Variants in LGSN observed in about 807,000 individuals in gnomAD.
LGSN encodes lengsin, lens protein with glutamine synthetase domain.
Under a neutral mutation model 19.5 loss-of-function variants are expected in LGSN, and 21 were observed. The observed-to-expected ratio is 1.07, with a 90% CI of 0.76 to 1.55. The LOEUF is 1.55. Among genes scored for constraint, LGSN ranks in the 40% most tolerant of loss-of-function variants. LGSN has a pLI of 0.00. For missense variants in LGSN, 673 were observed against 608.5 expected, an observed-to-expected ratio of 1.11 and a Z score of -1.12; for synonymous variants, 257 against 215.6, an observed-to-expected ratio of 1.19 and a Z score of -1.68.
the LGSN span, among the ~76,000 whole-genome samples, chr6:63,564,086 C>T: frequency 8.5e-5 from 13 of 152,200 alleles, 1 homozygote; most frequent in African/African-American, 3.1e-4. Flanking sequence ...ACCAGCCTGG[C>T]CAACATGCAG....
At chr6:63,427,060 T>TC in the LGSN span, among the ~76,000 whole-genome samples, 1 of 150,686 alleles carries the variant, frequency 6.6e-6, no homozygotes, top group Non-Finnish European at 1.5e-5. Context: ...TTTTTTTTTT[T>TC]CTCCTGAGAC....
At chr6:63,496,678 T>C in the LGSN span, among the ~76,000 whole-genome samples, 1 of 150,858 alleles carries the variant, frequency 6.6e-6, no homozygotes, top group Non-Finnish European at 1.5e-5. Flanking sequence ...AACCTTGAAC[T>C]TCTGAGCTCA....
the LGSN span, among the ~76,000 whole-genome samples, chr6:63,470,961 A>T: frequency 3.6e-5 from 3 of 82,460 alleles, no homozygotes; most frequent in Admixed American, 2.9e-4. Flanking sequence ...TTTTTTTGAG[A>T]CAGAGTTTTG....
chr6:63,453,881 C>T, the LGSN span, among the ~76,000 whole-genome samples: 1 of 152,146 alleles, frequency 6.6e-6, no homozygotes, highest in African/African-American at 2.4e-5. Context: ...TGGTCTCGGT[C>T]TCCTGACCTC....
chr6:63,521,713 T>C, the LGSN span: 3 of 152,302 alleles, frequency 2.0e-5, no homozygotes, highest in Admixed American at 2.0e-4. Flanking sequence ...CATTAACAGA[T>C]AGACTTAAGC....
chr6:63,385,747 AT>A, the LGSN span, among the ~76,000 whole-genome samples: 7 of 152,236 alleles, frequency 4.6e-5, no homozygotes, highest in Non-Finnish European at 8.8e-5. Flanking sequence ...TCTTGGATCT[AT>A]CCACTTAAAT....
At chr6:63,488,192 A>C in the LGSN span, among the ~76,000 whole-genome samples, 2 of 152,236 alleles carry the variant, frequency 1.3e-5, no homozygotes, top group East Asian at 3.9e-4. Context: ...AGGGTCTGGG[A>C]GCTTGATATT....
At chr6:63,556,917 C>T in the LGSN span, among the ~76,000 whole-genome samples, 1 of 152,192 alleles carries the variant, frequency 6.6e-6, no homozygotes, top group Non-Finnish European at 1.5e-5. Context: ...ATTTCATCCT[C>T]TAATCTCATT....
the LGSN span, among the ~76,000 whole-genome samples, chr6:63,554,428 T>C: frequency 2.6e-5 from 4 of 152,158 alleles, no homozygotes; most frequent in Admixed American, 2.0e-4. Flanking sequence ...TTACCTCCAC[T>C]CCCACATTAC....
chr6:63,556,174 C>T, the LGSN span, among the ~76,000 whole-genome samples: 7 of 152,168 alleles, frequency 4.6e-5, no homozygotes, highest in South Asian at 1.4e-3. Context: ...AAATTTTTTA[C>T]TGTGATTTAT....
chr6:63,564,147 T>C, the LGSN span, among the ~76,000 whole-genome samples: 2 of 151,884 alleles, frequency 1.3e-5, no homozygotes, highest in Non-Finnish European at 2.9e-5. Context: ...TGGTGGCAGG[T>C]GCCTGGTAAT....
At chr6:63,553,153 T>A in the LGSN span, among the ~76,000 whole-genome samples, 1 of 152,186 alleles carries the variant, frequency 6.6e-6, no homozygotes, top group Non-Finnish European at 1.5e-5. Flanking sequence ...AGTATACAAT[T>A]CAAATTTGAA....
chr6:63,542,014 G>A, the LGSN span, among the ~76,000 whole-genome samples: 1 of 137,672 alleles, frequency 7.3e-6, no homozygotes, highest in African/African-American at 2.8e-5. Flanking sequence ...GGTGGATAAA[G>A]AAACTGTGGT....
chr6:63,461,642 A>T, the LGSN span, among the ~76,000 whole-genome samples: 8 of 152,214 alleles, frequency 5.3e-5, no homozygotes. Flanking sequence ...CAGATGGAAA[A>T]ACAAAGGCAT....
At chr6:63,285,259 A>G (rs1208541203) in intron 3 of LGSN, among the ~76,000 whole-genome samples, 3 of 152,184 alleles carry the variant, frequency 2.0e-5, no homozygotes, top group Non-Finnish European at 4.4e-5. Flanking sequence ...CTCATGTCAA[A>G]TAAAATATAA....
chr6:63,390,870 AAAAAAAAG>A, the LGSN span, among the ~76,000 whole-genome samples: 2 of 149,028 alleles, frequency 1.3e-5, no homozygotes, highest in African/African-American at 5.2e-5. Context: ...AAAAAAAAAA[AAAAAAAAG>A]AAAAGAAAAT....
At chr6:63,315,868 G>C (rs1263995053) in intron 1 of LGSN, among the ~76,000 whole-genome samples, 4 of 147,868 alleles carry the variant, frequency 2.7e-5, no homozygotes, top group Non-Finnish European at 6.0e-5. Context: ...AGGAAATCCA[G>C]GTCTTAAAAA....
intron 1 of LGSN, among the ~76,000 whole-genome samples, chr6:63,312,337 A>G (rs926648317): frequency 1.3e-5 from 2 of 152,208 alleles, no homozygotes; most frequent in Non-Finnish European, 2.9e-5. Flanking sequence ...GCTGAATCAT[A>G]TATAGTAGCT....
At chr6:63,505,633 G>GAAAGAAATAAAT in the LGSN span, among the ~76,000 whole-genome samples, 1,164 of 97,204 alleles carry the variant, frequency 0.012, 139 homozygotes, top group African/African-American at 0.026. Flanking sequence ...AAGAAAGAAA[G>GAAAGAAATAAAT]AAATTCTGGC....
Sources: gnomAD v4.1 joint callset for allele counts (sites outside exome capture counted in the v4.1 genomes callset) on GRCh38, gnomAD v4.1.1 for gene constraint, MANE v1.5 for transcripts, NCBI Gene and HGNC (gene_info 2026-07-23, HGNC 2026-07-21) for gene names.